Variants in TBC1D16 observed in about 807,000 individuals in gnomAD.
TBC1D16 encodes the protein TBC1 domain family member 16.
Under a neutral mutation model 74.7 loss-of-function variants are expected in TBC1D16, and 58 were observed. That is an observed-to-expected ratio of 0.78 (90% CI 0.63 to 0.97). The LOEUF is 0.97. TBC1D16 is among the 50% of genes least tolerant of loss of function. TBC1D16 has a pLI of 0.00. For synonymous variants in TBC1D16, 493 were observed against 474.7 expected, an observed-to-expected ratio of 1.04 and a Z score of -0.50; for missense variants, 1,014 against 1,079.5, an observed-to-expected ratio of 0.94 and a Z score of 0.85.
At chr17:80,019,311 G>A (rs1306107447) in intron 1 of TBC1D16, among the ~76,000 whole-genome samples, 1 of 149,780 alleles carries the variant, frequency 6.7e-6, no homozygotes, top group Admixed American at 6.6e-5. Flanking sequence ...GCAGCTTTAC[G>A]GAGGAGAAGA....
chr17:80,008,346 C>G lies in TBC1D16; in HGVS notation c.779+1814G>C, dbSNP rs2035754267. Among the ~76,000 whole-genome samples, 1 of 152,192 alleles carries G rather than the reference C, an allele frequency of 6.6e-6. No individual in the cohort carries two copies. Among genetic ancestry groups the G allele is most frequent in the Non-Finnish European group, 1.5e-5 (1 of 68,032 alleles). On this transcript the variant is annotated intron_variant, in intron 3 of 11. Coordinates refer to ENST00000310924, the MANE Select transcript of TBC1D16 (RefSeq NM_019020.4). The surrounding 1 kb of genome is among the most constrained non-coding windows in gnomAD (Gnocchi z 4.5). ...CAGTGATGCCAGGACTCAACCGGCACTCAACTCCCTAACTCCTAAACTTGA... is the reference window on the plus strand; with the variant it reads ...CAGTGATGCCAGGACTCAACCGGCAGTCAACTCCCTAACTCCTAAACTTGA...
At position 79,945,095 on chromosome 17, in the gene TBC1D16, TG is replaced by T; in HGVS notation, c.1729-9del. The T allele has an allele frequency of 6.4e-7, 1 of 1,572,518 alleles. No homozygotes were observed. Among genetic ancestry groups the T allele is most frequent in the Non-Finnish European group, 8.6e-7 (1 of 1,160,132 alleles). ...CAGCTCGCGCAGGTACAGCTGGGGGTGAGGCCGTCACGCGTTAGTTAGCTCC... is the reference window on the plus strand; with the variant it reads ...CAGCTCGCGCAGGTACAGCTGGGGGTAGGCCGTCACGCGTTAGTTAGCTCC... On this transcript the variant is annotated splice_polypyrimidine_tract_variant and intron_variant, in intron 9 of 11. Coordinates refer to ENST00000310924, the MANE Select transcript of TBC1D16 (RefSeq NM_019020.4).
chr17:79,949,089 C>T (rs1175743177), intron 7 of TBC1D16, 83 bp from the exon 8 acceptor site: 3 of 1,573,482 alleles, frequency 1.9e-6, no homozygotes, highest in East Asian at 4.5e-5. Context: ...GGAAGCCACC[C>T]TTCCTCCCAA....
intron 10 of TBC1D16, among the ~76,000 whole-genome samples, chr17:79,943,648 A>C (rs2032240528): frequency 6.7e-6 from 1 of 149,920 alleles, no homozygotes; most frequent in South Asian, 2.1e-4. Flanking sequence ...GTCTGAAAAC[A>C]ACAGAAACTT....
rs1056761999 is a variant in TBC1D16, at chr17:79,979,900, G to A, written c.780-27082C>T. Among the ~76,000 whole-genome samples the A allele has an allele frequency of 1.4e-4, 22 of 152,218 alleles. No individual in the cohort carries two copies. The highest frequency in any genetic ancestry group is 4.8e-4 in the African/African-American group (20 of 41,540). ...TGGCTTCCAGGTGGTGGGCTCTGCG[G>A]GCCAGAGCTTGGGGCGCAGGAGGCC... is the stretch of plus-strand genomic sequence containing the variant. On this transcript the variant is annotated intron_variant, in intron 3 of 11. Transcript: ENST00000310924. This position sits in a 1 kb window ranked among gnomAD's most constrained non-coding sequence, Gnocchi z 4.8.
chr17:79,947,389 C>T (rs759676103), intron 9 of TBC1D16, among the ~76,000 whole-genome samples: 5 of 152,176 alleles, frequency 3.3e-5, no homozygotes, highest in Non-Finnish European at 7.4e-5. Context: ...CAGGTTGTCA[C>T]GTGCAGGGGT....
intron 3 of TBC1D16, among the ~76,000 whole-genome samples, chr17:79,973,784 T>C (rs776638629): frequency 5.3e-5 from 8 of 151,432 alleles, no homozygotes; most frequent in Non-Finnish European, 1.0e-4. Context: ...TCCCAGCTAC[T>C]TGGGAGGCTA....
intron 1 of TBC1D16, among the ~76,000 whole-genome samples, chr17:80,014,918 A>G (rs2036032600): frequency 6.6e-6 from 1 of 152,148 alleles, no homozygotes; most frequent in African/African-American, 2.4e-5. Context: ...GGACGTATGA[A>G]ATGTATATAT....
At chr17:80,028,040 G>A (rs999577278) in intron 1 of TBC1D16, among the ~76,000 whole-genome samples, 3 of 151,804 alleles carry the variant, frequency 2.0e-5, no homozygotes, top group South Asian at 2.1e-4. Context: ...ATAAGCTCCC[G>A]AGTGCATGAC....
intron 3 of TBC1D16, among the ~76,000 whole-genome samples, chr17:79,959,884 T>C (rs1312264098): frequency 1.3e-5 from 2 of 152,104 alleles, no homozygotes; most frequent in East Asian, 1.9e-4. Context: ...CTTTTTTTTT[T>C]CATCAAAATA....
At position 79,940,933 on chromosome 17, in the gene TBC1D16, G is replaced by T. The variant is rs1299451909; in HGVS notation, c.2230C>A (p.Pro744Thr). The stretch of plus-strand genomic sequence containing the variant: ...CCTTCCCTCAGGGACTTGGGGGAAG[G>T]CATCTCCACCGTGCCCCCGTAGGGA... ...SCPYGGTVEM[P>T]SPKSLREGKK... The change falls in exon 12 of 12, where the codon CCT (proline) becomes ACT (threonine). Residue 744 changes from proline to threonine, a missense_variant. Physicochemically the swap from Pro to Thr is conservative, Grantham distance 38. Transcript: ENST00000310924. The surrounding 1 kb of genome is among the most constrained non-coding windows in gnomAD (Gnocchi z 5.4). 1 of 1,595,372 alleles carries T rather than the reference G, an allele frequency of 6.3e-7. No individual in the cohort carries two copies. Among genetic ancestry groups the T allele is most frequent in the Admixed American group, 1.7e-5 (1 of 58,904 alleles).
At chr17:80,015,356 C>A (rs1434416066) in intron 1 of TBC1D16, among the ~76,000 whole-genome samples, 2 of 152,050 alleles carry the variant, frequency 1.3e-5, no homozygotes, top group Admixed American at 6.5e-5. Context: ...ATTGCTTGAA[C>A]CCGGGAGGTG....
At chr17:80,022,112 A>G (rs1294776453) in intron 1 of TBC1D16, among the ~76,000 whole-genome samples, 1 of 149,764 alleles carries the variant, frequency 6.7e-6, no homozygotes, top group Non-Finnish European at 1.5e-5. Flanking sequence ...ACATTGGTCT[A>G]TATTTTCTTC....
intron 10 of TBC1D16, chr17:79,943,891 TAA>T: frequency 7.1e-7 from 1 of 1,407,572 alleles, no homozygotes; most frequent in Admixed American, 2.9e-5. Flanking sequence ...CGATTTTTTT[TAA>T]TTCGGGAGTG....
chr17:80,004,465 G>A (rs551834267), intron 3 of TBC1D16, among the ~76,000 whole-genome samples: 1 of 152,324 alleles, frequency 6.6e-6, no homozygotes, highest in South Asian at 2.1e-4. Context: ...TGGGAAGTCA[G>A]ATGGTGCCTC....
intron 3 of TBC1D16, among the ~76,000 whole-genome samples, chr17:79,959,728 G>C (rs1419601541): frequency 6.6e-6 from 1 of 152,088 alleles, no homozygotes; most frequent in South Asian, 2.1e-4. Flanking sequence ...AACGGATCAC[G>C]GACCTAGATG....
At position 79,961,828 on chromosome 17, in the gene TBC1D16, G is replaced by A. The variant is rs562702176; in HGVS notation, c.780-9010C>T. On this transcript the variant is annotated intron_variant, in intron 3 of 11. Coordinates refer to ENST00000310924, the MANE Select transcript of TBC1D16 (RefSeq NM_019020.4). This position sits in a 1 kb window ranked among gnomAD's most constrained non-coding sequence, Gnocchi z 4.8. The stretch of plus-strand genomic sequence containing the variant: ...CAGTGAGCCAAGATCACGAGACTGC[G>A]CTCCAGCCTAGGCAAGAAGAGCAAA... Among the ~76,000 whole-genome samples, 112 of 152,106 alleles carry A rather than the reference G, an allele frequency of 7.4e-4. No homozygotes were observed. The highest frequency in any genetic ancestry group is 2.6e-3 in the African/African-American group (107 of 41,510).
At chr17:80,003,870 C>T (rs918279850) in intron 3 of TBC1D16, among the ~76,000 whole-genome samples, 3 of 152,102 alleles carry the variant, frequency 2.0e-5, no homozygotes, top group Non-Finnish European at 4.4e-5. Context: ...GGCAACAGAG[C>T]AAGAGTCTGT....
intron 3 of TBC1D16, among the ~76,000 whole-genome samples, chr17:79,989,482 T>C (rs919460397): frequency 6.6e-5 from 10 of 152,330 alleles, no homozygotes; most frequent in African/African-American, 2.4e-4. Context: ...ATTTCCAGGA[T>C]GAAAAGCCAC....
Sources: allele counts gnomAD v4.1 joint callset (sites outside exome capture counted in the v4.1 genomes callset), GRCh38; gene constraint gnomAD v4.1.1; non-coding constraint Gnocchi (gnomAD v3.1); transcripts MANE v1.5; gene names NCBI Gene and HGNC (gene_info 2026-07-23, HGNC 2026-07-21).